Variants in WWOX observed in about 807,000 individuals in gnomAD.
The protein encoded by WWOX is WW domain containing oxidoreductase, also known as WW domain-containing oxidoreductase.
In WWOX, 69 loss-of-function variants were observed where a neutral mutation model predicts 46.2. The observed-to-expected ratio is 1.49, with a 90% CI of 1.23 to 1.82. The LOEUF (loss-of-function observed/expected upper bound fraction) is 1.82. WWOX is among the 40% of genes most tolerant of loss of function. The pLI is 0.00. For missense variants in WWOX, 919 were observed against 542.6 expected, an observed-to-expected ratio of 1.69 and a Z score of -6.89; for synonymous variants, 359 against 202.6, an observed-to-expected ratio of 1.77 and a Z score of -6.56.
chr16:78,133,492 C>G (rs1415192966), intron 4 of WWOX, among the ~76,000 whole-genome samples: 2 of 152,298 alleles, frequency 1.3e-5, no homozygotes. Flanking sequence ...AACTCCTAAC[C>G]TCAAGTGATC....
intron 5 of WWOX, among the ~76,000 whole-genome samples, chr16:78,247,213 G>GC (rs1446893220): frequency 1.3e-5 from 2 of 151,844 alleles, no homozygotes; most frequent in Admixed American, 6.6e-5. Context: ...GGGTGTGGCC[G>GC]CCCCCCTGCC....
At chr16:78,109,970 C>G (rs2032395137) in intron 3 of WWOX, 135 bp downstream of exon 3, 1 of 909,450 alleles carries the variant, frequency 1.1e-6, no homozygotes, top group East Asian at 2.7e-5. Context: ...GCAGAAGTGA[C>G]TACTTTTAAC....
At chr16:79,108,468 G>T (rs552842665) in intron 8 of WWOX, among the ~76,000 whole-genome samples, 6 of 152,368 alleles carry the variant, frequency 3.9e-5, no homozygotes, top group Non-Finnish European at 8.8e-5. Context: ...ATTGCAAGGT[G>T]CAGGTATGTT....
intron 4 of WWOX, among the ~76,000 whole-genome samples, chr16:78,147,804 C>CT (rs71137876): frequency 6.1e-4 from 87 of 141,898 alleles, no homozygotes; most frequent in Middle Eastern, 3.7e-3. Flanking sequence ...GAATGAAGGT[C>CT]TTTTTTTTTT....
rs1451824251 is a variant in WWOX, at chr16:78,551,209, T to TA, written c.1056+118458dup. The stretch of plus-strand genomic sequence containing the variant: ...CGTGAATATATTCCATGAAACAAAA[T>TA]ACTGTGAAATCATACCACTGATTTT... On this transcript the variant is annotated intron_variant, in intron 8 of 8. Transcript: ENST00000566780. The TA allele has an allele frequency of 3.3e-5, 5 of 152,160 alleles. No homozygotes were observed. In the East Asian group the frequency reaches 9.7e-4, roughly 29 times the overall value. The allele number at this position is 152,160 out of a possible 1,614,324, so 9.4% of individuals were successfully genotyped here. A position where few individuals can be genotyped will look rare whatever the true frequency, so the allele number is the denominator to read the frequency against.
At chr16:79,138,507 C>CT (rs1449165272) in intron 8 of WWOX, among the ~76,000 whole-genome samples, 4 of 152,214 alleles carry the variant, frequency 2.6e-5, no homozygotes, top group African/African-American at 9.6e-5. Context: ...TGTGGCCCCA[C>CT]TGTGCCATAG....
intron 8 of WWOX, among the ~76,000 whole-genome samples, chr16:78,714,690 C>T (rs1021372555): frequency 1.3e-5 from 2 of 152,084 alleles, no homozygotes; most frequent in African/African-American, 2.4e-5. Flanking sequence ...AGCAGTGTAG[C>T]ATGTTTGAGA....
chr16:79,007,921 G>C (rs2047221799), intron 8 of WWOX, among the ~76,000 whole-genome samples: 1 of 152,192 alleles, frequency 6.6e-6, no homozygotes, highest in African/African-American at 2.4e-5. Context: ...TTGGGAGGTA[G>C]TTACTTTCAT....
At chr16:78,145,713 G>A (rs72804906) in intron 4 of WWOX, among the ~76,000 whole-genome samples, 137 of 152,246 alleles carry the variant, frequency 9.0e-4, no homozygotes, top group Non-Finnish European at 1.6e-3. Flanking sequence ...CATCTCAGTA[G>A]GCTTCTTCGT....
intron 8 of WWOX, among the ~76,000 whole-genome samples, chr16:79,208,309 T>C (rs763633584): frequency 1.3e-5 from 2 of 151,996 alleles, no homozygotes; most frequent in Non-Finnish European, 2.9e-5. Context: ...TGCTGCGGGA[T>C]AGACACCTCC....
At chr16:78,221,615 G>C (rs1356888040) in intron 5 of WWOX, among the ~76,000 whole-genome samples, 1 of 152,162 alleles carries the variant, frequency 6.6e-6, no homozygotes. Context: ...AGCAGGACCC[G>C]AGTACTATAG....
chr16:78,584,402 G>A (rs372892190), intron 8 of WWOX, among the ~76,000 whole-genome samples: 13 of 152,272 alleles, frequency 8.5e-5, no homozygotes, highest in East Asian at 7.7e-4. Context: ...TTGGGATTTC[G>A]CAACACGTCG....
At chr16:78,755,837 A>G in intron 8 of WWOX, among the ~76,000 whole-genome samples, 1 of 152,174 alleles carries the variant, frequency 6.6e-6, no homozygotes, top group Non-Finnish European at 1.5e-5. Flanking sequence ...TCTACAAGTA[A>G]CCACCCCAGA....
At chr16:78,694,126 G>C (rs1311733941) in intron 8 of WWOX, among the ~76,000 whole-genome samples, 1 of 152,112 alleles carries the variant, frequency 6.6e-6, no homozygotes, top group Non-Finnish European at 1.5e-5. Context: ...CAGCTACTCT[G>C]TAGGCTGAGG....
intron 8 of WWOX, among the ~76,000 whole-genome samples, chr16:79,163,396 T>C (rs1028794081): frequency 1.1e-4 from 16 of 152,180 alleles, no homozygotes; most frequent in Non-Finnish European, 2.2e-4. Context: ...GGAATCGTCA[T>C]TAAGGCGCCT....
chr16:78,781,083 C>G (rs1072898), intron 8 of WWOX, among the ~76,000 whole-genome samples: 48,091 of 151,990 alleles, frequency 0.32, 8,110 homozygotes, highest in African/African-American at 0.38. Context: ...TCCTAATTAC[C>G]AGGTAGCTTT....
intron 5 of WWOX, among the ~76,000 whole-genome samples, chr16:78,326,520 G>A (rs1288170087): frequency 4.5e-5 from 6 of 134,276 alleles, no homozygotes; most frequent in African/African-American, 1.2e-4. Flanking sequence ...TACTTACTGT[G>A]TTTCTCTGGA....
intron 8 of WWOX, among the ~76,000 whole-genome samples, chr16:78,797,809 A>G (rs2050783390): frequency 6.6e-6 from 1 of 152,144 alleles, no homozygotes; most frequent in African/African-American, 2.4e-5. Context: ...GCAACATAGC[A>G]AGTCTCTGTC....
intron 8 of WWOX, among the ~76,000 whole-genome samples, chr16:79,112,215 G>C (rs544751802): frequency 6.6e-6 from 1 of 152,050 alleles, no homozygotes; most frequent in Middle Eastern, 3.2e-3. Context: ...ATGCCAAACA[G>C]ACTCTTGGTT....
Sources: allele counts gnomAD v4.1 joint callset (sites outside exome capture counted in the v4.1 genomes callset), GRCh38; gene constraint gnomAD v4.1.1; transcripts MANE v1.5; gene names NCBI Gene and HGNC (gene_info 2026-07-23, HGNC 2026-07-21).